LHX8: variants seen among roughly 807,000 people sequenced by gnomAD.
LHX8 encodes the protein LIM/homeobox protein Lhx8.
Under a neutral mutation model 40.3 loss-of-function variants are expected in LHX8, and 12 were observed. The observed-to-expected ratio is 0.30, with a 90% CI of 0.19 to 0.48. The LOEUF (loss-of-function observed/expected upper bound fraction) is 0.48, where lower values mean the gene tolerates loss of function less well. Among genes scored for constraint, LHX8 ranks in the 20% least tolerant of loss-of-function variants. The pLI is 0.99. For synonymous variants in LHX8, 179 were observed against 162.0 expected, an observed-to-expected ratio of 1.10 and a Z score of -0.80; for missense variants, 344 against 433.7, an observed-to-expected ratio of 0.79 and a Z score of 1.84.
At chr1:75,131,120 C>G, upstream of LHX8, 1 of 336,432 alleles carries the variant, frequency 3.0e-6, no homozygotes, top group Non-Finnish European at 5.7e-6. Context: ...CCCGGGAGTC[C>G]TGGATGCGCC....
the LHX8 span, among the ~76,000 whole-genome samples, chr1:75,196,993 C>T: frequency 6.6e-6 from 1 of 151,984 alleles, no homozygotes; most frequent in Non-Finnish European, 1.5e-5. Flanking sequence ...AATTTATATG[C>T]CCAAGACTAA....
At chr1:75,181,915 A>G in the LHX8 span, among the ~76,000 whole-genome samples, 1 of 152,034 alleles carries the variant, frequency 6.6e-6, no homozygotes, top group African/African-American at 2.4e-5. Flanking sequence ...TTGGGTGCAT[A>G]GGTTACAAAA....
chr1:75,144,148 G>A (rs1648398300), intron 6 of LHX8, among the ~76,000 whole-genome samples, 200 bp downstream of exon 6: 1 of 152,080 alleles, frequency 6.6e-6, no homozygotes, highest in Non-Finnish European at 1.5e-5. Context: ...AATATAATAT[G>A]AAATAGTCAT....
the LHX8 span, among the ~76,000 whole-genome samples, chr1:75,168,044 C>T: frequency 7.1e-3 from 1,074 of 152,290 alleles, 18 homozygotes; most frequent in African/African-American, 0.024. Context: ...GTAAATGTGG[C>T]TGCAGAGTCT....
rs755312408 is a variant in LHX8 at position 75,156,986 on chromosome 1, C to T, written c.874C>T (p.Leu292=). ...TPVTAVPPSR[L]SPPMLEEMAY... Reference sequence around the variant, plus strand: ...AGTCACAGCAGTCCCACCCTCCAGGCTGTCTCCACCCATGTTAGAAGAAAT... The same window carrying T: ...AGTCACAGCAGTCCCACCCTCCAGGTTGTCTCCACCCATGTTAGAAGAAAT... Residue 292 remains leucine (L), a synonymous_variant, in exon 8 of 9, where the codon CTG becomes TTG. Coordinates refer to ENST00000356261, the MANE Select transcript of LHX8 (RefSeq NM_001256114.2). The T allele has an allele frequency of 6.2e-7, 1 of 1,614,074 alleles. No individual in the cohort carries two copies. The highest frequency in any genetic ancestry group is 1.3e-5 in the African/African-American group (1 of 74,950).
chr1:75,178,399 G>T, the LHX8 span, among the ~76,000 whole-genome samples: 1 of 151,876 alleles, frequency 6.6e-6, no homozygotes, highest in African/African-American at 2.4e-5. Flanking sequence ...GTTTAGTCTT[G>T]GGGGGGTGTA....
At chr1:75,180,075 C>T in the LHX8 span, among the ~76,000 whole-genome samples, 3 of 152,256 alleles carry the variant, frequency 2.0e-5, no homozygotes, top group East Asian at 3.9e-4. Flanking sequence ...AGTCTGATAG[C>T]CTTCCCTTTG....
chr1:75,134,175 AT>A (rs1043826904), upstream of LHX8, among the ~76,000 whole-genome samples: 6 of 151,184 alleles, frequency 4.0e-5, no homozygotes, highest in East Asian at 3.9e-4. Flanking sequence ...ACATCCCCCA[AT>A]TTTTTTTTCT....
At chr1:75,198,727 A>C in the LHX8 span, among the ~76,000 whole-genome samples, 25 of 152,180 alleles carry the variant, frequency 1.6e-4, no homozygotes, top group African/African-American at 6.0e-4. Context: ...CTGCTGGTTC[A>C]AGTCTTCATT....
At chr1:75,150,150 G>A (rs535793209) in intron 7 of LHX8, among the ~76,000 whole-genome samples, 5 of 152,038 alleles carry the variant, frequency 3.3e-5, no homozygotes, top group Non-Finnish European at 5.9e-5. Flanking sequence ...AGGTGGGAGG[G>A]TCACCTAAGT....
chr1:75,131,101 T>A, upstream of LHX8: 1 of 358,596 alleles, frequency 2.8e-6, no homozygotes. Flanking sequence ...TTTCTGCGCC[T>A]GCAGGCCGCC....
At chr1:75,185,883 C>T in the LHX8 span, among the ~76,000 whole-genome samples, 2,177 of 152,246 alleles carry the variant, frequency 0.014, 49 homozygotes, top group African/African-American at 0.05. Context: ...AAATTACTAG[C>T]ATTCCTATAC....
chr1:75,136,103 T>A (rs561753087), intron 1 of LHX8, among the ~76,000 whole-genome samples: 7 of 152,326 alleles, frequency 4.6e-5, no homozygotes, highest in African/African-American at 1.4e-4. Context: ...GCCCCCTTTT[T>A]AAAATATATA....
At chr1:75,169,101 C>T in the LHX8 span, among the ~76,000 whole-genome samples, 2 of 152,076 alleles carry the variant, frequency 1.3e-5, no homozygotes, top group Non-Finnish European at 2.9e-5. Context: ...GGGCACTTTT[C>T]ATGGGGTGGC....
downstream of LHX8, among the ~76,000 whole-genome samples, chr1:75,166,349 T>G (rs1649036756): frequency 6.6e-6 from 1 of 152,234 alleles, no homozygotes; most frequent in African/African-American, 2.4e-5. Context: ...TGTGACCTTC[T>G]GTGATTTGGA....
chr1:75,130,962 A>G (rs1647945022), upstream of LHX8: 1 of 616,138 alleles, frequency 1.6e-6, no homozygotes, highest in Admixed American at 2.3e-5. Flanking sequence ...TATGATCGCG[A>G]AAGTCTCCCC....
chr1:75,167,030 C>G, the LHX8 span, among the ~76,000 whole-genome samples: 6 of 152,206 alleles, frequency 3.9e-5, no homozygotes, highest in Non-Finnish European at 8.8e-5. Context: ...CTGTGTGTCA[C>G]TTGCCTGCTT....
the LHX8 span, among the ~76,000 whole-genome samples, chr1:75,198,611 A>C: frequency 1.6e-4 from 25 of 152,264 alleles, no homozygotes; most frequent in African/African-American, 6.0e-4. Context: ...GCCTGTATTA[A>C]CAGCCTCCAT....
At chr1:75,183,162 CT>C in the LHX8 span, 1 of 152,086 alleles carries the variant, frequency 6.6e-6, no homozygotes, top group African/African-American at 2.4e-5. Context: ...ATTGGCATCC[CT>C]GAAAGAGATG....
Sources: gnomAD v4.1 joint callset for allele counts (sites outside exome capture counted in the v4.1 genomes callset) on GRCh38, gnomAD v4.1.1 for gene constraint, MANE v1.5 for transcripts, NCBI Gene and HGNC (gene_info 2026-07-23, HGNC 2026-07-21) for gene names.